TTLL5: variants seen among roughly 807,000 people sequenced by gnomAD.
TTLL5 encodes the protein tubulin tyrosine ligase like 5, also known as tubulin polyglutamylase TTLL5.
A neutral mutation model predicts 168.4 loss-of-function variants in TTLL5; 132 were observed. The observed-to-expected ratio is 0.78, with a 90% CI of 0.68 to 0.91. The LOEUF (loss-of-function observed/expected upper bound fraction) is 0.91, where lower values mean the gene tolerates loss of function less well. Among genes scored for constraint, TTLL5 ranks in the 40% least tolerant of loss-of-function variants. The pLI is 0.00. For missense variants in TTLL5, 1,545 were observed against 1,581.5 expected (o/e 0.98, Z 0.39); for synonymous variants, 546 against 558.6 (o/e 0.98, Z 0.32).
intron 27 of TTLL5, among the ~76,000 whole-genome samples, chr14:75,817,553 C>G (rs1894502798): frequency 6.6e-6 from 1 of 152,118 alleles, no homozygotes; most frequent in Non-Finnish European, 1.5e-5. Flanking sequence ...ACACTATACT[C>G]TTGCTAAAAA....
At chr14:75,773,957 A>AAGAGAGAAAGAGAGAG (rs1891539585) in intron 21 of TTLL5, among the ~76,000 whole-genome samples, 2 of 43,382 alleles carry the variant, frequency 4.6e-5, no homozygotes, top group Non-Finnish European at 8.6e-5. Context: ...GAGAGAGAGA[A>AAGAGAGAAAGAGAGAG]AGAGAGAGAG....
intron 28 of TTLL5, among the ~76,000 whole-genome samples, chr14:75,853,844 G>A (rs756435211): frequency 7.9e-5 from 12 of 152,164 alleles, no homozygotes; most frequent in Admixed American, 2.6e-4. Flanking sequence ...AGGAGTTCGA[G>A]ACCAGCCTGA....
chr14:75,719,643 T>C (rs1887717166), intron 10 of TTLL5, 92 bp from the exon 11 acceptor site: 2 of 1,202,098 alleles, frequency 1.7e-6, no homozygotes, highest in Non-Finnish European at 2.2e-6. Context: ...AAAAAAACTT[T>C]TTAAAAAGAC....
Position 75,863,722 on chromosome 14 carries a change from A to G in TTLL5, c.3382A>G (p.Ser1128Gly). 1 of 1,613,678 alleles carries G rather than the reference A, an allele frequency of 6.2e-7. No individual in the cohort carries two copies. The highest frequency in any genetic ancestry group is 8.5e-7 in the Non-Finnish European group (1 of 1,179,868). The change falls in exon 29 of 32, where the codon AGC (serine) becomes GGC (glycine). Residue 1128 changes from serine (S) to glycine (G), a missense_variant. Coordinates refer to ENST00000298832, the MANE Select transcript of TTLL5 (RefSeq NM_015072.5). Reference sequence around the variant, plus strand: ...AGGAGAAGTAGAAAACAACGTGTACAGCCAGGCTACAGGGGTGGTCCCCCA... The same window carrying G: ...AGGAGAAGTAGAAAACAACGTGTACGGCCAGGCTACAGGGGTGGTCCCCCA... ...WEGEVENNVYSQATGVVPQHK... is the reference protein window; with the variant it reads ...WEGEVENNVYGQATGVVPQHK...
At chr14:75,744,808 A>T (rs896046092) in intron 15 of TTLL5, 9 of 201,846 alleles carry the variant, frequency 4.5e-5, no homozygotes, top group Non-Finnish European at 8.1e-5. Flanking sequence ...GTTTGGGTTA[A>T]ATACTAGCTT....
intron 9 of TTLL5, among the ~76,000 whole-genome samples, chr14:75,715,264 CTTTTTTTT>C (rs1201985101): frequency 1.5e-5 from 2 of 130,950 alleles, no homozygotes; most frequent in Admixed American, 7.7e-5. Context: ...CACCATCTTC[CTTTTTTTT>C]TTTTTTTTTT....
chr14:75,683,778 T>A, intron 5 of TTLL5, 122 bp downstream of exon 5: 1 of 547,882 alleles, frequency 1.8e-6, no homozygotes, highest in Non-Finnish European at 2.8e-6. Context: ...AAGAAGGACT[T>A]TTTTTTTTTT....
intron 31 of TTLL5, among the ~76,000 whole-genome samples, chr14:75,950,295 A>G (rs1381974650): frequency 1.3e-5 from 2 of 152,242 alleles, no homozygotes; most frequent in African/African-American, 4.8e-5. Flanking sequence ...TATGAAAAGC[A>G]AAAGTGTAAA....
At position 75,792,906 on chromosome 14, in the gene TTLL5, G is replaced by A. The variant is rs777187943; in HGVS notation, c.2987-10G>A. ...CCTAAATGAGTGAAAACTTTTCTCC[G>A]TTTTAGCAGGATCGTGCTATCTAAA... On this transcript the variant is annotated splice_polypyrimidine_tract_variant and intron_variant, in intron 26 of 31. Coordinates refer to ENST00000298832, the MANE Select transcript of TTLL5 (RefSeq NM_015072.5). 28 of 1,546,576 alleles carry A rather than the reference G, an allele frequency of 1.8e-5. No homozygotes were observed. The highest frequency in any genetic ancestry group is 5.5e-5 in the Admixed American group (3 of 54,494).
intron 3 of TTLL5, 64 bp from the exon 4 acceptor site, chr14:75,681,481 A>G (rs1884606675): frequency 3.1e-6 from 4 of 1,277,576 alleles, no homozygotes; most frequent in Non-Finnish European, 4.5e-6. Flanking sequence ...CCACCATGTT[A>G]CAGTTTATTT....
intron 28 of TTLL5, among the ~76,000 whole-genome samples, chr14:75,857,665 G>A (rs558939393): frequency 6.7e-6 from 1 of 148,664 alleles, no homozygotes; most frequent in Admixed American, 6.7e-5. Context: ...TTGGTGGGGA[G>A]GGGGAGACAA....
At chr14:75,907,457 C>G (rs966850839) in intron 31 of TTLL5, among the ~76,000 whole-genome samples, 12 of 152,190 alleles carry the variant, frequency 7.9e-5, no homozygotes, top group African/African-American at 2.7e-4. Context: ...TAACGGCACA[C>G]CTGCCATGAG....
chr14:75,812,771 C>A (rs1303190155), intron 27 of TTLL5, among the ~76,000 whole-genome samples: 2 of 152,156 alleles, frequency 1.3e-5, no homozygotes, highest in African/African-American at 4.8e-5. Context: ...TCCTTAGCTA[C>A]CATTCCTGGT....
Position 75,771,845 on chromosome 14 carries a change from T to A in TTLL5, c.2127T>A (p.Asp709Glu). Residue 709 changes from aspartate to glutamate, a missense_variant, in exon 21 of 32, where the codon GAT becomes GAA. Physicochemically the swap from Asp to Glu is conservative, Grantham distance 45. Coordinates refer to ENST00000298832, the MANE Select transcript of TTLL5 (RefSeq NM_015072.5). The part of the protein sequence containing the change: ...TFSASWAAKE[D>E]EQMELVVRFL... Reference sequence around the variant, plus strand: ...GTGCCAGTTGGGCTGCCAAAGAGGATGAACAGATGGTAAGGCTTTTCTTAC... The same window carrying A: ...GTGCCAGTTGGGCTGCCAAAGAGGAAGAACAGATGGTAAGGCTTTTCTTAC... 2 of 1,613,492 alleles carry A rather than the reference T, an allele frequency of 1.2e-6. No homozygotes were observed. The highest frequency in any genetic ancestry group is 1.7e-6 in the Non-Finnish European group (2 of 1,179,730).
chr14:75,894,215 G>A (rs893355429), intron 30 of TTLL5, among the ~76,000 whole-genome samples: 16 of 152,184 alleles, frequency 1.1e-4, no homozygotes, highest in Non-Finnish European at 1.6e-4. Context: ...CAGGGAAAGG[G>A]AAATGTAGAT....
chr14:75,944,082 C>T (rs903224519), intron 31 of TTLL5, among the ~76,000 whole-genome samples: 2 of 152,088 alleles, frequency 1.3e-5, no homozygotes, highest in African/African-American at 4.8e-5. Flanking sequence ...GATAAACTTT[C>T]CCTCCTGCTC....
At chr14:75,873,823 A>G (rs1249002031) in intron 29 of TTLL5, among the ~76,000 whole-genome samples, 1 of 152,224 alleles carries the variant, frequency 6.6e-6, no homozygotes, top group Non-Finnish European at 1.5e-5. Context: ...CCGTAAATAT[A>G]CATGGCATTA....
chr14:75,883,550 T>G (rs2031933671), intron 30 of TTLL5, among the ~76,000 whole-genome samples: 1 of 152,264 alleles, frequency 6.6e-6, no homozygotes, highest in Non-Finnish European at 1.5e-5. Flanking sequence ...TGTATTTCTC[T>G]TGCTGTCATT....
intron 21 of TTLL5, 25 bp from the exon 22 acceptor site, chr14:75,775,459 T>A (rs1566598979): frequency 6.2e-7 from 1 of 1,610,290 alleles, no homozygotes; most frequent in Non-Finnish European, 8.5e-7. Context: ...CCTTTTTTTT[T>A]CTCCCACGAC....
Sources: allele counts gnomAD v4.1 joint callset (sites outside exome capture counted in the v4.1 genomes callset), GRCh38; gene constraint gnomAD v4.1.1; transcripts MANE v1.5; gene names NCBI Gene and HGNC (gene_info 2026-07-23, HGNC 2026-07-21).